SPMIP4: variants seen among roughly 807,000 people sequenced by gnomAD.
SPMIP4 encodes the protein sperm microtubule inner protein 4.
At chr7:25,161,748 C>A in the SPMIP4 span, among the ~76,000 whole-genome samples, 2 of 150,246 alleles carry the variant, frequency 1.3e-5, no homozygotes. Context: ...AGCCACCATG[C>A]CCAGCCAGGA....
chr7:25,162,030 G>A, the SPMIP4 span, among the ~76,000 whole-genome samples: 1 of 151,950 alleles, frequency 6.6e-6, no homozygotes, highest in African/African-American at 2.4e-5. Context: ...TAGCACTGTG[G>A]GAGGCTGAGG....
chr7:25,160,260 T>TTAATAA, the SPMIP4 span, among the ~76,000 whole-genome samples: 385 of 151,346 alleles, frequency 2.5e-3, 4 homozygotes, highest in Admixed American at 4.3e-3. Flanking sequence ...AAAGAAGTGA[T>TTAATAA]AGTTCCATTA....
the SPMIP4 span, among the ~76,000 whole-genome samples, chr7:25,170,670 G>T: frequency 1.3e-5 from 2 of 152,102 alleles, no homozygotes; most frequent in South Asian, 4.1e-4. Context: ...TAGCCCTTAC[G>T]CTTAGGTCTT....
chr7:25,179,058 C>CAAACA, the SPMIP4 span: 1 of 1,222,802 alleles, frequency 8.2e-7, no homozygotes, highest in Non-Finnish European at 1.1e-6. Context: ...AACAAACAAA[C>CAAACA]AAACAAACAA....
chr7:25,163,109 C>A, the SPMIP4 span, among the ~76,000 whole-genome samples: 2 of 152,238 alleles, frequency 1.3e-5, no homozygotes, highest in East Asian at 3.9e-4. This position sits in a 1 kb window ranked among gnomAD's most constrained non-coding sequence, Gnocchi z 4.4. Flanking sequence ...AAGCCTTGTA[C>A]AAGGATGCTT....
the SPMIP4 span, among the ~76,000 whole-genome samples, chr7:25,134,349 A>C: frequency 2.0e-5 from 3 of 150,148 alleles, no homozygotes; most frequent in Non-Finnish European, 4.5e-5. Flanking sequence ...AAAAAAAAAA[A>C]AAACCAAAAA....
chr7:25,164,631 A>G, the SPMIP4 span, among the ~76,000 whole-genome samples: 1,364 of 152,204 alleles, frequency 9.0e-3, 15 homozygotes, highest in African/African-American at 0.03. Context: ...ATTATTTATA[A>G]AAGCATTTTT....
the SPMIP4 span, among the ~76,000 whole-genome samples, chr7:25,138,586 A>C: frequency 6.6e-6 from 1 of 152,206 alleles, no homozygotes; most frequent in African/African-American, 2.4e-5. This position sits in a 1 kb window ranked among gnomAD's most constrained non-coding sequence, Gnocchi z 6.2. Context: ...AACCACAATG[A>C]GTTAATACTC....
At chr7:25,144,953 A>G in the SPMIP4 span, among the ~76,000 whole-genome samples, 2 of 116,620 alleles carry the variant, frequency 1.7e-5, no homozygotes, top group Non-Finnish European at 3.4e-5. Flanking sequence ...TGGAAATAAG[A>G]AGGACTGTTT....
the SPMIP4 span, among the ~76,000 whole-genome samples, chr7:25,178,243 A>G: frequency 4.6e-5 from 7 of 152,098 alleles, no homozygotes; most frequent in Non-Finnish European, 7.3e-5. Flanking sequence ...TGTCTTTGCT[A>G]TTGTGAATAG....
At chr7:25,129,895 A>C in the SPMIP4 span, among the ~76,000 whole-genome samples, 191 of 152,138 alleles carry the variant, frequency 1.3e-3, no homozygotes, top group African/African-American at 4.4e-3. Flanking sequence ...AGGATGGGAG[A>C]TAATTTTCAA....
chr7:25,149,318 A>G, the SPMIP4 span, among the ~76,000 whole-genome samples: 27 of 152,180 alleles, frequency 1.8e-4, no homozygotes, highest in Non-Finnish European at 2.5e-4. Flanking sequence ...GACAAAAGGC[A>G]GGAAAAATAG....
the SPMIP4 span, among the ~76,000 whole-genome samples, chr7:25,133,947 C>T: frequency 5.9e-5 from 9 of 152,082 alleles, no homozygotes; most frequent in African/African-American, 1.2e-4. Context: ...ATATTAAAGA[C>T]GTTGCCAATG....
At chr7:25,172,635 G>A in the SPMIP4 span, among the ~76,000 whole-genome samples, 1 of 152,120 alleles carries the variant, frequency 6.6e-6, no homozygotes, top group Non-Finnish European at 1.5e-5. This position sits in a 1 kb window ranked among gnomAD's most constrained non-coding sequence, Gnocchi z 4.2. Context: ...GTGGAACCAG[G>A]AACCCAAAGT....
At chr7:25,164,275 G>A in the SPMIP4 span, among the ~76,000 whole-genome samples, 4 of 152,100 alleles carry the variant, frequency 2.6e-5, no homozygotes, top group Admixed American at 2.0e-4. Flanking sequence ...TCCATCAGGG[G>A]GTACAACAAT....
At chr7:25,179,333 C>A in the SPMIP4 span, 2 of 1,595,324 alleles carry the variant, frequency 1.3e-6, no homozygotes, top group Non-Finnish European at 1.7e-6. Context: ...AAGGCACAAC[C>A]TGGAAAAGAA....
At chr7:25,157,441 T>C in the SPMIP4 span, among the ~76,000 whole-genome samples, 1 of 151,934 alleles carries the variant, frequency 6.6e-6, no homozygotes, top group African/African-American at 2.4e-5. Flanking sequence ...CGGGGAAACC[T>C]GCTGAGGACA....
the SPMIP4 span, among the ~76,000 whole-genome samples, chr7:25,156,967 AT>A: frequency 6.6e-6 from 1 of 152,084 alleles, no homozygotes; most frequent in Non-Finnish European, 1.5e-5. Context: ...GATTACAGGC[AT>A]GAGCCACTGC....
At chr7:25,144,842 C>T in the SPMIP4 span, among the ~76,000 whole-genome samples, 1 of 152,164 alleles carries the variant, frequency 6.6e-6, no homozygotes, top group African/African-American at 2.4e-5. Context: ...GCACTGCTAC[C>T]CCTATAAACC....
Sources: gnomAD v4.1 joint callset for allele counts (sites outside exome capture counted in the v4.1 genomes callset) on GRCh38, gnomAD v4.1.1 for gene constraint, Gnocchi (gnomAD v3.1) non-coding constraint, MANE v1.5 for transcripts, NCBI Gene and HGNC (gene_info 2026-07-23, HGNC 2026-07-21) for gene names.